The following NTRK2 variants were observed in gnomAD, a reference collection of about 807,000 sequenced individuals.
NTRK2 encodes BDNF/NT-3 growth factors receptor.
NTRK2 carries 13 observed loss-of-function variants against 94.5 expected under a neutral mutation model. The ratio of observed to expected loss-of-function variants is 0.14; its 90% CI spans 0.09 to 0.22. The LOEUF is 0.22. Among genes scored for constraint, NTRK2 ranks in the 10% least tolerant of loss-of-function variants. The pLI is 1.00. For missense variants in NTRK2, 639 were observed against 1,071.2 expected (o/e 0.60, Z 5.63); for synonymous variants, 372 against 407.4 (o/e 0.91, Z 1.05).
At chr9:84,846,701 G>A (rs1404310875) in intron 12 of NTRK2, among the ~76,000 whole-genome samples, 1 of 152,142 alleles carries the variant, frequency 6.6e-6, no homozygotes, top group Admixed American at 6.5e-5. Flanking sequence ...TGTAATCCAG[G>A]GCCTGTGTTT....
intron 12 of NTRK2, among the ~76,000 whole-genome samples, chr9:84,846,829 T>C (rs181875479): frequency 2.0e-4 from 30 of 152,290 alleles, no homozygotes; most frequent in Admixed American, 9.2e-4. Flanking sequence ...TGAATCTCCA[T>C]TTATCTAGTA....
rs1371141336 is a variant in NTRK2 at position 84,898,859 on chromosome 9, C to T, written c.1633+31428C>T. ...CTGGAATTACAGGCATGCACCACCA[C>T]GCCCGGCTAGTTTTGTATTTTTAGT... On this transcript the variant is annotated intron_variant, in intron 14 of 18. Coordinates refer to ENST00000277120, the MANE Select transcript of NTRK2 (RefSeq NM_006180.6). Among the ~76,000 whole-genome samples, 11 of 152,232 alleles carry T rather than the reference C, an allele frequency of 7.2e-5. No homozygotes were observed. The South Asian group carries it at 8.3e-4, about 11-fold the overall frequency.
Position 84,728,596 on chromosome 9 carries a change from A to G in NTRK2, c.1159+637A>G, listed in dbSNP as rs571114408. Among the ~76,000 whole-genome samples the G allele has an allele frequency of 3.9e-5, 6 of 152,192 alleles. No individual in the cohort carries two copies. In the East Asian group the frequency reaches 9.7e-4, roughly 25 times the overall value. ...ATTTTCTAGCCTCTTACCTAATTCA[A>G]AAAGGAGAATTCTGGTTTCTCATCC... is the stretch of plus-strand genomic sequence containing the variant. On this transcript the variant is annotated intron_variant, in intron 9 of 18. Coordinates refer to ENST00000277120, the MANE Select transcript of NTRK2 (RefSeq NM_006180.6).
intron 12 of NTRK2, among the ~76,000 whole-genome samples, chr9:84,776,267 G>A (rs2067034716): frequency 6.6e-6 from 1 of 152,038 alleles, no homozygotes; most frequent in Non-Finnish European, 1.5e-5. Context: ...TGTCGCCCAG[G>A]CTGGAGTGCA....
rs563756034 is a variant in NTRK2 at position 85,017,129 on chromosome 9, C to T, written c.2173-3077C>T. On this transcript the variant is annotated intron_variant, in intron 17 of 18. Coordinates refer to ENST00000277120, the MANE Select transcript of NTRK2 (RefSeq NM_006180.6). ...CTTGGTTAAGGCCAAATGAAGAGTT[C>T]AGGAGAGTGACATATGATGATTCTT... Among the ~76,000 whole-genome samples the T allele has an allele frequency of 1.1e-4, 16 of 152,238 alleles. No homozygotes were observed. The South Asian group carries it at 3.3e-3, about 32-fold the overall frequency.
intron 12 of NTRK2, among the ~76,000 whole-genome samples, chr9:84,834,550 G>C (rs2073757828): frequency 6.6e-6 from 1 of 152,056 alleles, no homozygotes; most frequent in African/African-American, 2.4e-5. Flanking sequence ...GGAGCATCTA[G>C]GAACCCCTAG....
chr9:84,955,563 C>G (rs375105898), intron 17 of NTRK2, 46 bp downstream of exon 17: 1 of 1,459,950 alleles, frequency 6.8e-7, no homozygotes, highest in Non-Finnish European at 9.6e-7. Flanking sequence ...TCTTTCCCTG[C>G]GGGACCCCTG....
chr9:84,992,935 A>ATT (rs987234951), intron 17 of NTRK2, among the ~76,000 whole-genome samples: 20 of 142,098 alleles, frequency 1.4e-4, no homozygotes, highest in African/African-American at 4.8e-4. Context: ...TATTTAATGT[A>ATT]TTATATATAT....
At chr9:85,003,018 C>T (rs1316785374) in intron 17 of NTRK2, among the ~76,000 whole-genome samples, 4 of 152,042 alleles carry the variant, frequency 2.6e-5, no homozygotes, top group African/African-American at 9.7e-5. Context: ...GTGAATCAGC[C>T]CCGAGAGAGC....
At chr9:85,012,223 A>G (rs565356718) in intron 17 of NTRK2, among the ~76,000 whole-genome samples, 2 of 151,966 alleles carry the variant, frequency 1.3e-5, no homozygotes, top group East Asian at 1.9e-4. Flanking sequence ...TCTTGACCTT[A>G]TGACCCTCCT....
intron 13 of NTRK2, among the ~76,000 whole-genome samples, chr9:84,865,987 A>T (rs2075575510): frequency 6.6e-6 from 1 of 152,264 alleles, no homozygotes; most frequent in Non-Finnish European, 1.5e-5. Context: ...GACAAGATAC[A>T]GTAGACTGTA....
chr9:84,854,613 A>G (rs2074966754), intron 12 of NTRK2, among the ~76,000 whole-genome samples: 1 of 152,010 alleles, frequency 6.6e-6, no homozygotes, highest in Non-Finnish European at 1.5e-5. Flanking sequence ...ATAGTGTGAT[A>G]TTTGACCTGA....
At chr9:84,735,883 A>AG (rs1472678359) in intron 9 of NTRK2, among the ~76,000 whole-genome samples, 1 of 152,204 alleles carries the variant, frequency 6.6e-6, no homozygotes, top group African/African-American at 2.4e-5. Flanking sequence ...GAAGTGATGA[A>AG]GGTTTCTTTT....
intron 6 of NTRK2, among the ~76,000 whole-genome samples, chr9:84,720,017 C>CAAAAAAAAAAA: frequency 1.1e-5 from 1 of 87,754 alleles, no homozygotes; most frequent in Non-Finnish European, 2.2e-5. Context: ...AAGACTATCT[C>CAAAAAAAAAAA]AAAAAAAAAA....
chr9:84,724,765 A>G (rs1418778721), intron 8 of NTRK2, among the ~76,000 whole-genome samples: 1 of 152,230 alleles, frequency 6.6e-6, no homozygotes, highest in Non-Finnish European at 1.5e-5. Context: ...AGCTGTTCAC[A>G]AATGCCTAAT....
At chr9:84,690,439 T>G (rs183018045) in intron 2 of NTRK2, among the ~76,000 whole-genome samples, 10 of 152,294 alleles carry the variant, frequency 6.6e-5, no homozygotes, top group Admixed American at 3.3e-4. Context: ...ATTCTTACAG[T>G]CCAGGCGAAT....
chr9:84,794,460 C>G (rs956260235), intron 12 of NTRK2, among the ~76,000 whole-genome samples: 2 of 152,144 alleles, frequency 1.3e-5, no homozygotes, highest in African/African-American at 4.8e-5. Flanking sequence ...CAGTGTAATG[C>G]AATACTCTTT....
At chr9:84,800,880 T>C (rs2070348142) in intron 12 of NTRK2, among the ~76,000 whole-genome samples, 1 of 152,006 alleles carries the variant, frequency 6.6e-6, no homozygotes, top group Admixed American at 6.6e-5. Flanking sequence ...AGGAGGAAAT[T>C]GGAATTTTGG....
chr9:84,717,881 G>A (rs560182356), intron 6 of NTRK2, among the ~76,000 whole-genome samples: 75 of 152,200 alleles, frequency 4.9e-4, no homozygotes, highest in Non-Finnish European at 9.7e-4. Flanking sequence ...AAATCTGCTT[G>A]GGGAATGTAA....
Sources: gnomAD v4.1 joint callset for allele counts (sites outside exome capture counted in the v4.1 genomes callset) on GRCh38, gnomAD v4.1.1 for gene constraint, MANE v1.5 for transcripts, NCBI Gene and HGNC (gene_info 2026-07-23, HGNC 2026-07-21) for gene names.